Variants in OR5B2 observed in about 807,000 individuals in gnomAD.
OR5B2 encodes olfactory receptor family 5 subfamily B member 2.
For missense variants in OR5B2, 411 were observed against 367.0 expected (o/e 1.12, Z -0.98); for synonymous variants, 163 against 140.8 (o/e 1.16, Z -1.11).
Position 58,423,083 on chromosome 11 carries a change from A to G in OR5B2, c.179T>C (p.Phe60Ser), listed in dbSNP as rs774458758. ...DSCLHTPMYF[F>S]LSNLSLVDFG... Reference sequence around the variant, plus strand: ...GTCCACCAGAGACAGGTTACTGAGGAAAAAGTACATGGGGGTGTGGAGACA... The same window carrying G: ...GTCCACCAGAGACAGGTTACTGAGGGAAAAGTACATGGGGGTGTGGAGACA... Residue 60 changes from phenylalanine (F) to serine (S), a missense_variant, in exon 3 of 3, where the codon TTC becomes TCC. Phe to Ser is a radical substitution (Grantham distance 155, BLOSUM62 -2). Coordinates refer to ENST00000641342, the MANE Select transcript of OR5B2 (RefSeq NM_001005566.3). 2 of 1,613,690 alleles carry G rather than the reference A, an allele frequency of 1.2e-6. No homozygotes were observed. Among genetic ancestry groups the G allele is most frequent in the Non-Finnish European group, 1.7e-6 (2 of 1,179,784 alleles).
In OR5B2 at chr11:58,422,308, TACA is replaced by T. The variant is rs756628874; in HGVS notation, c.*21_*23del. ...ATGAGGGAAACAACATTTTTGTGTA[TACA>T]ACAATGTTAAAATTCCAAACTTATA... On this transcript the variant is annotated 3_prime_UTR_variant, in exon 3 of 3. Transcript: ENST00000641342. 4.7e-5 allele frequency: 70 copies of T among 1,473,798 alleles called. 1 individual carries two copies. Among genetic ancestry groups the T allele is most frequent in the Admixed American group, 3.9e-4 (23 of 58,272 alleles). 91.3% of individuals were successfully genotyped at this position (1,473,798 alleles called of 1,614,324 possible).
chr11:58,425,018 A>T (rs1032867649), intron 2 of OR5B2, among the ~76,000 whole-genome samples: 2 of 152,222 alleles, frequency 1.3e-5, no homozygotes, highest in Non-Finnish European at 2.9e-5. Flanking sequence ...CCAAGTTCCA[A>T]CCTAATCAAA....
intron 2 of OR5B2, among the ~76,000 whole-genome samples, chr11:58,423,675 T>C (rs1855306824): frequency 6.6e-6 from 1 of 152,156 alleles, no homozygotes. Flanking sequence ...TGTATATTGA[T>C]TCCTCTCAAC....
chr11:58,422,777 A>C lies in OR5B2; in HGVS notation c.485T>G (p.Phe162Cys), dbSNP rs1244098965. 6.2e-7 allele frequency: 1 copy of C among 1,613,770 alleles called. No homozygotes were observed. The highest frequency in any genetic ancestry group is 1.3e-5 in the African/African-American group (1 of 74,916). The change falls in exon 3 of 3, where the codon TTC (phenylalanine) becomes TGC (cysteine). Residue 162 changes from phenylalanine (F) to cysteine (C), a missense_variant. Physicochemically the swap from Phe to Cys is radical, Grantham distance 205. Coordinates refer to ENST00000641342, the MANE Select transcript of OR5B2 (RefSeq NM_001005566.3). ...LNASFHIGGI[F>C]SLSFCKSNLV... ...ATTGGATTTACAGAAAGAGAGACTG[A>C]ATATGCCCCCAATGTGGAATGAGGC...
chr11:58,423,311 C>T, intron 2 of OR5B2, 22 bp from the exon 3 acceptor site: 6 of 1,132,094 alleles, frequency 5.3e-6, no homozygotes, highest in Non-Finnish European at 7.6e-6. Flanking sequence ...AGAAATAAAG[C>T]AATAGAGTGA....
Position 58,422,077 on chromosome 11 carries a change from A to C in OR5B2, c.*255T>G. On this transcript the variant is annotated 3_prime_UTR_variant, in exon 3 of 3. Transcript: ENST00000641342. ...AAAAATGCAAGGGGAACAAGTGAGT[A>C]AACCGAATGTCATTAGTAAGTTTTG... The C allele has an allele frequency of 1.6e-5, 5 of 317,256 alleles. No individual in the cohort carries two copies. The highest frequency in any genetic ancestry group is 5.5e-5 in the East Asian group (1 of 18,218). 19.7% of individuals were successfully genotyped at this position (317,256 alleles called of 1,614,324 possible).
rs866806608 is a variant in OR5B2, at chr11:58,423,561, A to T, written c.-28-272T>A. On this transcript the variant is annotated intron_variant, in intron 2 of 2. Coordinates refer to ENST00000641342, the MANE Select transcript of OR5B2 (RefSeq NM_001005566.3). ...TATATTTAATGATGTGTCCAAGATG[A>T]CTCATCTGGAACTAATTTTTCTGCC... is the stretch of plus-strand genomic sequence containing the variant. Among the ~76,000 whole-genome samples, 6 of 151,776 alleles carry T rather than the reference A, an allele frequency of 4.0e-5. No homozygotes were observed. The South Asian group carries it at 1.2e-3, about 31-fold the overall frequency.
chr11:58,424,467 T>C (rs1193187845), intron 2 of OR5B2, among the ~76,000 whole-genome samples: 1 of 152,164 alleles, frequency 6.6e-6, no homozygotes, highest in East Asian at 1.9e-4. Context: ...CATTCTTCTG[T>C]TTAATTTCTT....
intron 2 of OR5B2, among the ~76,000 whole-genome samples, 158 bp downstream of exon 2, chr11:58,426,464 T>C (rs1362240817): frequency 1.3e-5 from 2 of 152,136 alleles, no homozygotes; most frequent in Non-Finnish European, 2.9e-5. Context: ...TTGTAACACC[T>C]GGACTGTGGC....
intron 2 of OR5B2, among the ~76,000 whole-genome samples, chr11:58,424,427 T>C (rs2119940962): frequency 6.6e-6 from 1 of 152,212 alleles, no homozygotes; most frequent in East Asian, 1.9e-4. Flanking sequence ...TTCACCCAAA[T>C]GATAGACTGT....
At chr11:58,425,364 GA>G (rs1590712790) in intron 2 of OR5B2, among the ~76,000 whole-genome samples, 1 of 151,438 alleles carries the variant, frequency 6.6e-6, no homozygotes, top group South Asian at 2.1e-4. Flanking sequence ...TATGTTTTTA[GA>G]AAAAAAATAT....
At chr11:58,426,252 T>A (rs1855336252) in intron 2 of OR5B2, among the ~76,000 whole-genome samples, 1 of 152,078 alleles carries the variant, frequency 6.6e-6, no homozygotes, top group Non-Finnish European at 1.5e-5. Flanking sequence ...GGGGGTTTGT[T>A]ATACAGATTA....
intron 2 of OR5B2, 87 bp downstream of exon 2, chr11:58,426,534 TG>T (rs1251940020): frequency 1.3e-5 from 2 of 152,120 alleles, no homozygotes; most frequent in African/African-American, 4.8e-5. Flanking sequence ...GATTACTCAA[TG>T]GGAAAATGTT....
intron 2 of OR5B2, among the ~76,000 whole-genome samples, chr11:58,425,241 C>A (rs2119942395): frequency 6.6e-6 from 1 of 152,158 alleles, no homozygotes; most frequent in South Asian, 2.1e-4. Flanking sequence ...GAAATTACCA[C>A]CTACTTAATC....
At chr11:58,424,452 T>C (rs1428804612) in intron 2 of OR5B2, among the ~76,000 whole-genome samples, 2 of 152,144 alleles carry the variant, frequency 1.3e-5, no homozygotes, top group Non-Finnish European at 2.9e-5. Flanking sequence ...GAATTCTATG[T>C]GAACCATTCT....
chr11:58,422,550 T>A lies in OR5B2; in HGVS notation c.712A>T (p.Thr238Ser). The A allele has an allele frequency of 6.2e-7, 1 of 1,613,754 alleles. No homozygotes were observed. The highest frequency in any genetic ancestry group is 8.5e-7 in the Non-Finnish European group (1 of 1,179,856). ...SAKGHQKALS[T>S]CASHFTAVSV... ...ACTGCAGTGAAGTGAGAGGCACAGG[T>A]GGACAATGCTTTTTGGTGTCCCTTA... The change falls in exon 3 of 3, where the codon ACC becomes TCC. Residue 238 changes from threonine (T) to serine (S), a missense_variant. Physicochemically the swap from Thr to Ser is moderately conservative, Grantham distance 58 (BLOSUM62 1). Coordinates refer to ENST00000641342, the MANE Select transcript of OR5B2 (RefSeq NM_001005566.3).
chr11:58,423,347 A>T (rs1855303498), intron 2 of OR5B2, 58 bp from the exon 3 acceptor site: 1 of 766,648 alleles, frequency 1.3e-6, no homozygotes, highest in African/African-American at 1.8e-5. Flanking sequence ...ATTTAGAAAT[A>T]TATAAATACT....
intron 2 of OR5B2, among the ~76,000 whole-genome samples, chr11:58,425,937 T>A (rs1177346066): frequency 6.6e-6 from 1 of 152,132 alleles, no homozygotes; most frequent in Admixed American, 6.6e-5. Context: ...TCTAAAGCCT[T>A]CAATCAAGAG....
Position 58,422,628 on chromosome 11 carries a change from T to G in OR5B2, c.634A>C (p.Ile212Leu), listed in dbSNP as rs1319730151. Residue 212 changes from isoleucine to leucine, a missense_variant, in exon 3 of 3, where the codon ATC (isoleucine) becomes CTC (leucine). Ile to Leu is a conservative substitution (Grantham distance 5). Coordinates refer to ENST00000641342, the MANE Select transcript of OR5B2 (RefSeq NM_001005566.3). ...SFNIFFVLLV[I>L]FISYLFIFIT... The stretch of plus-strand genomic sequence containing the variant: ...AATATGAACAAGTAGGAGATAAAGA[T>G]AACTAGAAGAACAAAAAAGATATTA... The G allele has an allele frequency of 6.2e-7, 1 of 1,613,602 alleles. No individual in the cohort carries two copies. The highest frequency in any genetic ancestry group is 8.5e-7 in the Non-Finnish European group (1 of 1,179,776).
Sources: gnomAD v4.1 joint callset for allele counts (sites outside exome capture counted in the v4.1 genomes callset) on GRCh38, gnomAD v4.1.1 for gene constraint, MANE v1.5 for transcripts, NCBI Gene and HGNC (gene_info 2026-07-23, HGNC 2026-07-21) for gene names.